The following STX18 variants were observed in gnomAD, a reference collection of about 807,000 sequenced individuals.
STX18 encodes syntaxin 18, also known as syntaxin-18.
In STX18, 40 loss-of-function variants were observed where a neutral mutation model predicts 50.1. That is an observed-to-expected ratio of 0.80 (90% CI 0.62 to 1.04). The LOEUF is 1.04. Among genes scored for constraint, STX18 ranks in the 50% least tolerant of loss-of-function variants. The pLI, the probability that STX18 is intolerant of heterozygous loss-of-function variation, is 0.00. For synonymous variants in STX18, 158 were observed against 151.8 expected, an observed-to-expected ratio of 1.04 and a Z score of -0.30; for missense variants, 410 against 415.8, an observed-to-expected ratio of 0.99 and a Z score of 0.12.
At chr4:4,478,240 A>C (rs1728292134) in intron 1 of STX18, among the ~76,000 whole-genome samples, 1 of 152,116 alleles carries the variant, frequency 6.6e-6, no homozygotes, top group Non-Finnish European at 1.5e-5. Flanking sequence ...AAAAAAACAA[A>C]AACGTTTTCA....
At chr4:4,485,870 G>A (rs904232479) in intron 1 of STX18, among the ~76,000 whole-genome samples, 1 of 152,106 alleles carries the variant, frequency 6.6e-6, no homozygotes, top group African/African-American at 2.4e-5. Context: ...GATGCTACTG[G>A]TACTTTCCTG....
rs1211187888 is a variant in STX18, at chr4:4,419,996, C to T, written c.*38G>A. On this transcript the variant is annotated 3_prime_UTR_variant, in exon 11 of 11. Transcript: ENST00000306200. ...CATGAAAGCACGCAGTCTGTGAGTG[C>T]CCATGAGGACTCTCGTGCTGGGCCC... The T allele has an allele frequency of 6.5e-7, 1 of 1,544,036 alleles. No homozygotes were observed.
intron 1 of STX18, among the ~76,000 whole-genome samples, chr4:4,503,105 T>G (rs937457477): frequency 6.6e-6 from 1 of 152,108 alleles, no homozygotes; most frequent in Admixed American, 6.5e-5. Flanking sequence ...GGCAGGTCAC[T>G]AAAAAAAGTT....
At chr4:4,542,164 C>A (rs1731646182), upstream of STX18, 2 of 621,644 alleles carry the variant, frequency 3.2e-6, no homozygotes, top group Non-Finnish European at 5.0e-6. Context: ...GCGCACCTGG[C>A]GGAGGAGGAA....
At chr4:4,518,691 T>G (rs1300315507) in intron 1 of STX18, among the ~76,000 whole-genome samples, 1 of 152,200 alleles carries the variant, frequency 6.6e-6, no homozygotes, top group East Asian at 1.9e-4. Context: ...TTTCTTTAAT[T>G]TCATTTCCAA....
intron 1 of STX18, among the ~76,000 whole-genome samples, chr4:4,500,864 T>C (rs956942711): frequency 2.6e-5 from 4 of 152,082 alleles, no homozygotes; most frequent in African/African-American, 9.7e-5. Context: ...GGTGAAACCC[T>C]GTCTCTACTA....
intron 1 of STX18, among the ~76,000 whole-genome samples, chr4:4,508,575 G>T (rs1304439685): frequency 6.6e-6 from 1 of 152,102 alleles, no homozygotes; most frequent in Non-Finnish European, 1.5e-5. Flanking sequence ...TTAAGTTCTG[G>T]GGTACATGCG....
At chr4:4,475,482 A>C (rs542902624) in intron 1 of STX18, among the ~76,000 whole-genome samples, 27 of 150,042 alleles carry the variant, frequency 1.8e-4, no homozygotes, top group South Asian at 1.5e-3. Flanking sequence ...AAAAAAAAAA[A>C]CATGACAAAT....
intron 5 of STX18, among the ~76,000 whole-genome samples, chr4:4,444,330 C>T (rs1726276194): frequency 6.6e-6 from 1 of 152,222 alleles, no homozygotes; most frequent in Non-Finnish European, 1.5e-5. Context: ...AGTGCCATCC[C>T]TACTGAAGTT....
chr4:4,439,120 G>T lies in STX18; in HGVS notation c.498-611C>A, dbSNP rs986712190. ...TACCCCCACACACATACCCCCACAT[G>T]TATACACACAATATATATACCACAT... On this transcript the variant is annotated intron_variant, in intron 5 of 10. Transcript: ENST00000306200. Among the ~76,000 whole-genome samples the T allele has an allele frequency of 2.2e-4, 18 of 81,638 alleles. No individual in the cohort carries two copies. In the East Asian group the frequency reaches 5.9e-3, roughly 27 times the overall value. 53.6% of individuals were successfully genotyped at this position (81,638 alleles called of 152,430 possible).
rs76042077 is a variant in STX18, at chr4:4,532,499, G to T, written c.168+9298C>A. Among the ~76,000 whole-genome samples, 22 of 151,970 alleles carry T rather than the reference G, an allele frequency of 1.4e-4. No homozygotes were observed. The East Asian group carries it at 2.3e-3, about 16-fold the overall frequency. ...AAAAAAAAAACCTCACTCTTTCAGA[G>T]ACTCAGGGAAAATATCACAAGGTAA... On this transcript the variant is annotated intron_variant, in intron 1 of 10. Coordinates refer to ENST00000306200, the MANE Select transcript of STX18 (RefSeq NM_016930.4).
chr4:4,521,529 A>G (rs1223981281), intron 1 of STX18, among the ~76,000 whole-genome samples: 1 of 152,242 alleles, frequency 6.6e-6, no homozygotes, highest in Non-Finnish European at 1.5e-5. Flanking sequence ...AAAGAAAATG[A>G]AAGACTTAAG....
intron 5 of STX18, among the ~76,000 whole-genome samples, chr4:4,442,493 T>C (rs756977464): frequency 3.0e-4 from 45 of 152,204 alleles, no homozygotes; most frequent in Non-Finnish European, 5.1e-4. Flanking sequence ...GGCACGCACC[T>C]GTAGTCCCAG....
intron 1 of STX18, among the ~76,000 whole-genome samples, chr4:4,531,152 T>TACACACAC (rs142048912): frequency 0.01 from 1,526 of 149,668 alleles, 19 homozygotes; most frequent in African/African-American, 0.033. Context: ...GGATAAAATT[T>TACACACAC]ACACACACAC....
chr4:4,493,253 A>G (rs1374297643), intron 1 of STX18, among the ~76,000 whole-genome samples: 1 of 152,090 alleles, frequency 6.6e-6, no homozygotes, highest in Non-Finnish European at 1.5e-5. Flanking sequence ...AAGCAACCCC[A>G]ATTTTTGGAA....
rs1365967806 is a variant in STX18 at position 4,420,133 on chromosome 4, G to A, written c.913-4C>T. 6.2e-7 allele frequency: 1 copy of A among 1,606,646 alleles called. No homozygotes were observed. Among genetic ancestry groups the A allele is most frequent in the Non-Finnish European group, 8.5e-7 (1 of 1,176,700 alleles). On this transcript the variant is annotated splice_region_variant and splice_polypyrimidine_tract_variant and intron_variant, in intron 10 of 10. Coordinates refer to ENST00000306200, the MANE Select transcript of STX18 (RefSeq NM_016930.4). The surrounding 1 kb of genome is among the most constrained non-coding windows in gnomAD (Gnocchi z 4.3). ...AGCCAGCGTTGTTTTTAATGGCCTG[G>A]GCAGGGACGGGAGCACAGGTGTTTT...
chr4:4,435,949 C>T (rs978060027), intron 6 of STX18, among the ~76,000 whole-genome samples: 5 of 152,196 alleles, frequency 3.3e-5, no homozygotes, highest in South Asian at 4.2e-4. Flanking sequence ...GATGGATCCT[C>T]GGGGGAGACT....
rs553809515 is a variant in STX18 at position 4,451,875 on chromosome 4, T to C, written c.497+5316A>G. Among the ~76,000 whole-genome samples, 162 of 152,240 alleles carry C rather than the reference T, an allele frequency of 1.1e-3. No homozygotes were observed. In the Middle Eastern group the frequency reaches 0.031, roughly 29 times the overall value. ...AGAGTTGCGTATCACTCACTTGAAG[T>C]CAAAAGCTAGAAATTATGAATCTTA... On this transcript the variant is annotated intron_variant, in intron 5 of 10. Coordinates refer to ENST00000306200, the MANE Select transcript of STX18 (RefSeq NM_016930.4).
chr4:4,469,363 T>C (rs1417218344), intron 2 of STX18, among the ~76,000 whole-genome samples: 2 of 152,230 alleles, frequency 1.3e-5, no homozygotes, highest in Non-Finnish European at 2.9e-5. Context: ...CTGGCTCTTA[T>C]AGAAAGTTGG....
Sources: allele counts gnomAD v4.1 joint callset (sites outside exome capture counted in the v4.1 genomes callset), GRCh38; gene constraint gnomAD v4.1.1; non-coding constraint Gnocchi (gnomAD v3.1); transcripts MANE v1.5; gene names NCBI Gene and HGNC (gene_info 2026-07-23, HGNC 2026-07-21).